CYYR1: variants seen among roughly 807,000 people sequenced by gnomAD.
CYYR1 encodes the protein cysteine and tyrosine rich 1.
Under a neutral mutation model 15.2 loss-of-function variants are expected in CYYR1, and 14 were observed. That is an observed-to-expected ratio of 0.92 (90% confidence interval 0.61 to 1.44). The LOEUF (loss-of-function observed/expected upper bound fraction) is 1.44. Ranked by LOEUF, CYYR1 falls within the 40% of genes most tolerant of loss-of-function variation. The probability of loss-of-function intolerance (pLI) is 0.00; values close to 1 mark genes in which losing one functional copy is unlikely to be tolerated. For missense variants in CYYR1, 228 were observed against 209.5 expected, an observed-to-expected ratio of 1.09 and a Z score of -0.54; for synonymous variants, 80 against 77.4, an observed-to-expected ratio of 1.03 and a Z score of -0.18.
intron 2 of CYYR1, among the ~76,000 whole-genome samples, chr21:26,524,248 AAT>A (rs1207893740): frequency 6.6e-6 from 1 of 152,186 alleles, no homozygotes; most frequent in South Asian, 2.1e-4. Flanking sequence ...TATTTCTCAA[AAT>A]ATATGTTTGC....
chr21:26,492,579 C>T (rs1340300510), intron 2 of CYYR1, among the ~76,000 whole-genome samples: 1 of 152,020 alleles, frequency 6.6e-6, no homozygotes, highest in Non-Finnish European at 1.5e-5. Flanking sequence ...GACAGATGCC[C>T]CCAAATCTCA....
At chr21:26,488,649 T>C (rs1201176397) in intron 2 of CYYR1, among the ~76,000 whole-genome samples, 1 of 152,188 alleles carries the variant, frequency 6.6e-6, no homozygotes, top group Non-Finnish European at 1.5e-5. Context: ...TAAAATATTT[T>C]GTGTCAATTC....
intron 2 of CYYR1, among the ~76,000 whole-genome samples, chr21:26,557,282 T>C (rs992214878): frequency 6.6e-6 from 1 of 152,192 alleles, no homozygotes; most frequent in Non-Finnish European, 1.5e-5. Flanking sequence ...GTGATGTCTA[T>C]CTAATTAAGG....
intron 3 of CYYR1, among the ~76,000 whole-genome samples, chr21:26,475,989 C>A (rs1015990018): frequency 1.3e-5 from 2 of 152,046 alleles, no homozygotes; most frequent in African/African-American, 4.8e-5. Context: ...AGTACAAACA[C>A]AGAAGTTTTC....
At chr21:26,496,789 T>C (rs1239273144) in intron 2 of CYYR1, among the ~76,000 whole-genome samples, 1 of 152,214 alleles carries the variant, frequency 6.6e-6, no homozygotes, top group Non-Finnish European at 1.5e-5. Context: ...ATCCAATACT[T>C]ATAGAATATT....
chr21:26,517,845 C>T (rs1021094266), intron 2 of CYYR1, among the ~76,000 whole-genome samples: 15 of 152,128 alleles, frequency 9.9e-5, no homozygotes, highest in Non-Finnish European at 1.5e-4. Flanking sequence ...CGTGAGTCAC[C>T]GTGCCCAGCC....
At chr21:26,543,415 T>A (rs1462160537) in intron 2 of CYYR1, among the ~76,000 whole-genome samples, 1 of 151,854 alleles carries the variant, frequency 6.6e-6, no homozygotes, top group African/African-American at 2.4e-5. Context: ...AAAAAAAAAA[T>A]TATAGGTTGT....
intron 3 of CYYR1, chr21:26,477,821 G>A (rs1355440234): frequency 8.5e-7 from 1 of 1,175,238 alleles, no homozygotes; most frequent in African/African-American, 1.6e-5. Context: ...AAAATTCAGA[G>A]GTATAAATAA....
chr21:26,482,189 A>T, intron 2 of CYYR1: 2 of 661,316 alleles, frequency 3.0e-6, no homozygotes, highest in Non-Finnish European at 3.8e-6. Context: ...TTACATTGCC[A>T]TAACTTTGCT....
intron 2 of CYYR1, among the ~76,000 whole-genome samples, chr21:26,495,270 G>A (rs1204869707): frequency 1.3e-5 from 2 of 152,092 alleles, no homozygotes; most frequent in Admixed American, 6.5e-5. Flanking sequence ...GGAATTAAAG[G>A]GGTAGTAATC....
intron 2 of CYYR1, among the ~76,000 whole-genome samples, chr21:26,546,397 T>C (rs1978980585): frequency 6.6e-6 from 1 of 152,234 alleles, no homozygotes; most frequent in Non-Finnish European, 1.5e-5. Context: ...CACACATTCA[T>C]GTTGGCATCT....
chr21:26,514,731 C>T (rs573138935), intron 2 of CYYR1, among the ~76,000 whole-genome samples: 1 of 152,238 alleles, frequency 6.6e-6, no homozygotes, highest in South Asian at 2.1e-4. Flanking sequence ...ATATGTCAGG[C>T]CATGTAATAA....
intron 2 of CYYR1, among the ~76,000 whole-genome samples, chr21:26,488,753 G>A (rs1433970293): frequency 1.3e-5 from 2 of 151,968 alleles, no homozygotes; most frequent in African/African-American, 4.8e-5. Flanking sequence ...GAGTGTAATG[G>A]CTGAGCTCTA....
At chr21:26,468,707 G>T in intron 3 of CYYR1, 73 bp from the exon 4 acceptor site, 2 of 1,175,972 alleles carry the variant, frequency 1.7e-6, no homozygotes, top group Non-Finnish European at 2.4e-6. Context: ...AAGCCACTGG[G>T]CTAGATACTT....
chr21:26,468,895 G>A (rs2065000395), intron 3 of CYYR1, among the ~76,000 whole-genome samples: 1 of 152,010 alleles, frequency 6.6e-6, no homozygotes, highest in Non-Finnish European at 1.5e-5. Flanking sequence ...AGAAGGTGAG[G>A]GACAATTCAG....
At chr21:26,497,232 A>T (rs907857315) in intron 2 of CYYR1, among the ~76,000 whole-genome samples, 6 of 152,148 alleles carry the variant, frequency 3.9e-5, no homozygotes, top group Non-Finnish European at 5.9e-5. Flanking sequence ...CAGGAAATCC[A>T]GATCCTAAAA....
chr21:26,487,176 A>G (rs2065260202), intron 2 of CYYR1, among the ~76,000 whole-genome samples: 1 of 152,090 alleles, frequency 6.6e-6, no homozygotes, highest in Non-Finnish European at 1.5e-5. Context: ...GAAATAAAAT[A>G]CCTTTACCTT....
chr21:26,501,718 T>A (rs910628519), intron 2 of CYYR1, among the ~76,000 whole-genome samples: 1 of 152,160 alleles, frequency 6.6e-6, no homozygotes, highest in African/African-American at 2.4e-5. Flanking sequence ...TTATGTTATC[T>A]CGATGGAAGG....
intron 2 of CYYR1, among the ~76,000 whole-genome samples, chr21:26,481,362 C>G (rs968169534): frequency 6.6e-6 from 1 of 151,728 alleles, no homozygotes; most frequent in African/African-American, 2.4e-5. Context: ...AGAGGACTGA[C>G]AGAAAAAAAT....
Sources: gnomAD v4.1 joint callset for allele counts (sites outside exome capture counted in the v4.1 genomes callset) on GRCh38, gnomAD v4.1.1 for gene constraint, MANE v1.5 for transcripts, NCBI Gene and HGNC (gene_info 2026-07-23, HGNC 2026-07-21) for gene names.